Variants in GPR143 observed in about 807,000 individuals in gnomAD.
GPR143 encodes G protein-coupled receptor 143.
GPR143 carries 8 observed loss-of-function variants against 27.6 expected under a neutral mutation model. The ratio of observed to expected loss-of-function variants is 0.29; its 90% CI spans 0.17 to 0.52. The LOEUF (loss-of-function observed/expected upper bound fraction) is 0.52, where lower values mean the gene tolerates loss of function less well. GPR143 is among the 20% of genes least tolerant of loss of function. The pLI is 0.96. For missense variants in GPR143, 303 were observed against 343.1 expected, an observed-to-expected ratio of 0.88 and a Z score of 0.92; for synonymous variants, 156 against 153.2, an observed-to-expected ratio of 1.02 and a Z score of -0.13.
chrX:9,743,488 C>T (rs925423800), intron 6 of GPR143, 77 bp downstream of exon 6: 8 of 594,162 alleles, frequency 1.3e-5, no homozygotes, highest in East Asian at 3.3e-5. Flanking sequence ...CTTCTGGTCA[C>T]GCATGCAACA....
At chrX:9,761,957 C>T (rs1386804769) in intron 1 of GPR143, among the ~76,000 whole-genome samples, 3 of 111,874 alleles carry the variant, frequency 2.7e-5, no homozygotes, top group East Asian at 2.8e-4. Context: ...GGTGGTGGCA[C>T]GCGCCTGTGG....
intron 3 of GPR143, among the ~76,000 whole-genome samples, chrX:9,749,226 T>TCCCCCCCCCCCCCCCCCCC (rs1315734826): frequency 2.7e-5 from 2 of 73,092 alleles, no homozygotes; most frequent in African/African-American, 5.5e-5. Flanking sequence ...GGGATTTCCC[T>TCCCCCCCCCCCCCCCCCCC]CCCCCCCCAA....
At chrX:9,728,639 TAAAAAAAAA>T (rs57462205) in intron 8 of GPR143, among the ~76,000 whole-genome samples, 17 of 19,203 alleles carry the variant, frequency 8.9e-4, no homozygotes, top group African/African-American at 1.5e-3. Flanking sequence ...CCCTATCTCT[TAAAAAAAAA>T]AAAAAAAAAA....
At chrX:9,759,496 C>T (rs937593614) in intron 2 of GPR143, 70 bp from the exon 3 acceptor site, 23 of 728,116 alleles carry the variant, frequency 3.2e-5, no homozygotes, top group Admixed American at 1.9e-4. Context: ...ATCCTTGAGA[C>T]GGCAGGGTAG....
intron 3 of GPR143, among the ~76,000 whole-genome samples, chrX:9,749,382 G>A (rs1455558750): frequency 9.0e-6 from 1 of 110,972 alleles, no homozygotes; most frequent in Non-Finnish European, 1.9e-5. Context: ...TTATCAATTA[G>A]TCTCAGGCAG....
chrX:9,728,199 C>T (rs1569114027), intron 8 of GPR143, among the ~76,000 whole-genome samples: 1 of 110,803 alleles, frequency 9.0e-6, no homozygotes, highest in East Asian at 2.8e-4. Flanking sequence ...ACCTAATGCC[C>T]CAGACAACAC....
At chrX:9,774,158 T>C (rs747405845) in intron 1 of GPR143, among the ~76,000 whole-genome samples, 1 of 110,873 alleles carries the variant, frequency 9.0e-6, no homozygotes, top group East Asian at 2.8e-4. Flanking sequence ...AAAAAGTCAG[T>C]AAAACCATTC....
chrX:9,731,459 G>T (rs1437683352), intron 8 of GPR143, among the ~76,000 whole-genome samples: 1 of 111,282 alleles, frequency 9.0e-6, no homozygotes, highest in Non-Finnish European at 1.9e-5. Flanking sequence ...GAAAAGTGCG[G>T]AAGGGAACAG....
chrX:9,731,802 G>T (rs969514992), intron 8 of GPR143, among the ~76,000 whole-genome samples: 2 of 99,864 alleles, frequency 2.0e-5, no homozygotes, highest in African/African-American at 3.5e-5. Flanking sequence ...GGAATTGGGG[G>T]GGGGGGGAAG....
chrX:9,762,012 G>A (rs780103278), intron 1 of GPR143, among the ~76,000 whole-genome samples: 12 of 112,000 alleles, frequency 1.1e-4, no homozygotes, highest in Non-Finnish European at 1.7e-4. Context: ...GCTTGAGCCC[G>A]GAAGGCGGAG....
intron 8 of GPR143, among the ~76,000 whole-genome samples, chrX:9,734,350 G>A (rs992138613): frequency 9.0e-6 from 1 of 111,399 alleles, no homozygotes; most frequent in East Asian, 2.8e-4. Context: ...GGAATTGTGG[G>A]AGAGACAGAG....
chrX:9,758,281 T>C (rs1007112081), intron 3 of GPR143, among the ~76,000 whole-genome samples: 3 of 111,698 alleles, frequency 2.7e-5, no homozygotes, highest in Non-Finnish European at 3.8e-5. Flanking sequence ...TAACAGCTGA[T>C]AGGTATCAAG....
chrX:9,766,901 TCTCACA>T (rs1444952458), upstream of GPR143, among the ~76,000 whole-genome samples: 70 of 65,149 alleles, frequency 1.1e-3, 1 homozygote, highest in African/African-American at 2.7e-3. Context: ...TATCTCTCTC[TCTCACA>T]CACACACACA....
chrX:9,777,762 C>G (rs1162344981), intron 1 of GPR143, among the ~76,000 whole-genome samples: 1 of 104,840 alleles, frequency 9.5e-6, no homozygotes, highest in Non-Finnish European at 1.9e-5. Flanking sequence ...CCATTCCAGT[C>G]TGAGTAACAT....
intron 8 of GPR143, among the ~76,000 whole-genome samples, chrX:9,728,261 C>A (rs186181351): frequency 9.0e-6 from 1 of 110,713 alleles, no homozygotes; most frequent in Non-Finnish European, 1.9e-5. Context: ...AGTACAGTCA[C>A]ATAGGTGCCT....
upstream of GPR143, among the ~76,000 whole-genome samples, chrX:9,770,242 C>T (rs1017028015): frequency 2.1e-5 from 2 of 96,997 alleles, no homozygotes; most frequent in East Asian, 3.4e-4. Context: ...GAGGCTGAGG[C>T]GGGCAGATCA....
Position 9,771,720 on chromosome X carries a change from T to TTTC in GPR143, c.-2-10895_-2-10894insGAA, listed in dbSNP as rs1437990381. On this transcript the variant is annotated intron_variant, in intron 1 of 7. Transcript: ENST00000447366. ...ATGGAGCATTCTCTCTCTTTTTTTT[T>TTTC]TTTTTTTGGATGGAGTCTTGCTCTG... is the stretch of plus-strand genomic sequence containing the variant. Among the ~76,000 whole-genome samples, 12 of 101,325 alleles carry TTTC rather than the reference T, an allele frequency of 1.2e-4. 1 individual carries two copies. In the Admixed American group the frequency reaches 1.3e-3, roughly 11 times the overall value. 88.0% of individuals were successfully genotyped at this position (101,325 alleles called of 115,157 possible).
At chrX:9,741,522 A>C in intron 6 of GPR143, 67 bp from the exon 7 acceptor site, 1 of 570,870 alleles carries the variant, frequency 1.8e-6, no homozygotes, top group Non-Finnish European at 3.2e-6. Context: ...AATGCTGGAG[A>C]GTCAGAGAAG....
chrX:9,761,926 A>G (rs2083503346), intron 1 of GPR143, among the ~76,000 whole-genome samples: 1 of 110,582 alleles, frequency 9.0e-6, no homozygotes, highest in African/African-American at 3.3e-5. Context: ...CATCTCTACA[A>G]AAATACAATA....
Sources: gnomAD v4.1 joint callset for allele counts (sites outside exome capture counted in the v4.1 genomes callset) on GRCh38, gnomAD v4.1.1 for gene constraint, MANE v1.5 for transcripts, NCBI Gene and HGNC (gene_info 2026-07-23, HGNC 2026-07-21) for gene names.